Variants in TUSC3 observed in about 807,000 individuals in gnomAD.
TUSC3 encodes the protein tumor suppressor candidate 3.
Under a neutral mutation model 44.8 loss-of-function variants are expected in TUSC3, and 45 were observed. The observed-to-expected ratio is 1.00, with a 90% CI of 0.79 to 1.29. The LOEUF is 1.29. Among genes scored for constraint, TUSC3 ranks in the 50% most tolerant of loss-of-function variants. The probability of loss-of-function intolerance (pLI) is 0.00; values close to 1 mark genes in which losing one functional copy is unlikely to be tolerated. For missense variants in TUSC3, 519 were observed against 437.9 expected, an observed-to-expected ratio of 1.19 and a Z score of -1.65; for synonymous variants, 212 against 152.9, an observed-to-expected ratio of 1.39 and a Z score of -2.85.
chr8:15,577,766 C>G (rs1284183761), intron 1 of TUSC3, among the ~76,000 whole-genome samples: 3 of 142,500 alleles, frequency 2.1e-5, no homozygotes, highest in African/African-American at 5.3e-5. Flanking sequence ...CAGCTTTGTT[C>G]TTTTGGCTTA....
intron 1 of TUSC3, among the ~76,000 whole-genome samples, chr8:15,461,426 G>A (rs1800343226): frequency 6.6e-6 from 1 of 152,032 alleles, no homozygotes; most frequent in Non-Finnish European, 1.5e-5. Context: ...AGTTCTAGGG[G>A]CTTTCTGGTG....
chr8:15,494,329 T>TA (rs545075575), intron 2 of TUSC3, among the ~76,000 whole-genome samples: 39 of 150,962 alleles, frequency 2.6e-4, no homozygotes, highest in Non-Finnish European at 2.8e-4. Context: ...TCTTTTTTTT[T>TA]TTTTTTGAGA....
At chr8:15,604,557 AGATAGATTATCAGTT>A (rs1804436485) in intron 1 of TUSC3, among the ~76,000 whole-genome samples, 1 of 151,808 alleles carries the variant, frequency 6.6e-6, no homozygotes, top group Non-Finnish European at 1.5e-5. Context: ...AGTGGCACCA[AGATAGATTATCAGTT>A]GCAAAGGGGA....
Position 15,622,282 on chromosome 8 carries a change from C to CT in TUSC3, c.139-789dup, listed in dbSNP as rs202085475. Among the ~76,000 whole-genome samples the CT allele has an allele frequency of 8.7e-3, 1,314 of 151,030 alleles. 20 individuals carry two copies. The highest frequency in any genetic ancestry group is 0.03 in the African/African-American group (1,250 of 41,126). On this transcript the variant is annotated intron_variant, in intron 1 of 10. Transcript: ENST00000503731. ...AGATGAATGTTCTAAAGATAAGAGC[C>CT]TTTTTTTTTCCTTCCTTTCTTTCTT...
chr8:15,706,317 G>A (rs913399223), intron 6 of TUSC3, among the ~76,000 whole-genome samples: 4 of 151,884 alleles, frequency 2.6e-5, no homozygotes, highest in African/African-American at 9.7e-5. Context: ...AGGAAGCAAA[G>A]GAAAAGAAAG....
At chr8:15,556,094 G>A (rs1802253660) in intron 1 of TUSC3, among the ~76,000 whole-genome samples, 1 of 150,082 alleles carries the variant, frequency 6.7e-6, no homozygotes, top group African/African-American at 2.4e-5. Context: ...CCAAGCTGGT[G>A]CACTGCACCC....
At chr8:15,531,600 CTCT>C (rs1801450747) in intron 2 of TUSC3, among the ~76,000 whole-genome samples, 1 of 152,208 alleles carries the variant, frequency 6.6e-6, no homozygotes, top group African/African-American at 2.4e-5. Flanking sequence ...TTGCCTTGGT[CTCT>C]TCTTCTGCCT....
intron 6 of TUSC3, among the ~76,000 whole-genome samples, chr8:15,718,166 T>C (rs1025632524): frequency 6.6e-6 from 1 of 152,088 alleles, no homozygotes; most frequent in Non-Finnish European, 1.5e-5. Flanking sequence ...TTTTGGAAGA[T>C]TTAACTAGAA....
chr8:15,719,692 T>C (rs1357711115), intron 6 of TUSC3, among the ~76,000 whole-genome samples: 3 of 152,078 alleles, frequency 2.0e-5, no homozygotes, highest in Admixed American at 1.3e-4. Context: ...CACTGAAGGC[T>C]TATGTCACAC....
chr8:15,503,895 A>G (rs1801008101), intron 2 of TUSC3, among the ~76,000 whole-genome samples: 1 of 151,670 alleles, frequency 6.6e-6, no homozygotes, highest in Non-Finnish European at 1.5e-5. Context: ...CACACCTGTA[A>G]TCCTAGCTAC....
intron 6 of TUSC3, among the ~76,000 whole-genome samples, chr8:15,677,388 A>G (rs1327974433): frequency 6.6e-6 from 1 of 152,228 alleles, no homozygotes; most frequent in Admixed American, 6.5e-5. Flanking sequence ...GATAAGAGAA[A>G]GTAAAGACTC....
the TUSC3 span, among the ~76,000 whole-genome samples, chr8:15,775,059 A>G: frequency 6.6e-6 from 1 of 152,206 alleles, no homozygotes; most frequent in African/African-American, 2.4e-5. Context: ...AGGGAAGACA[A>G]CCCAGATGTT....
intron 1 of TUSC3, among the ~76,000 whole-genome samples, chr8:15,549,672 T>C (rs1273867469): frequency 1.3e-5 from 2 of 151,656 alleles, no homozygotes; most frequent in Admixed American, 1.3e-4. Flanking sequence ...GGGAGAATGC[T>C]GATTGGTCCA....
rs1227094893 is a variant in TUSC3 at position 15,558,319 on chromosome 8, G to A, written c.138+17751G>A. 4.6e-4 allele frequency among the ~76,000 whole-genome samples: 21 copies of A among 45,956 alleles called. 1 individual carries two copies. Among genetic ancestry groups the A allele is most frequent in the African/African-American group, 8.9e-4 (18 of 20,178 alleles). 30.1% of individuals were successfully genotyped at this position (45,956 alleles called of 152,430 possible). On this transcript the variant is annotated intron_variant, in intron 1 of 10. Transcript: ENST00000503731. ...TGCTGGATTACATTTATTGATTTGC[G>A]TATATTGAACCAGCCTTGCCGTCCC...
the TUSC3 span, among the ~76,000 whole-genome samples, chr8:15,823,453 T>C: frequency 1.1e-4 from 17 of 152,322 alleles, no homozygotes; most frequent in African/African-American, 3.8e-4. Context: ...TCAAGCAACA[T>C]TTCTTTCTCT....
At chr8:15,437,027 C>A (rs1265787973) in intron 1 of TUSC3, among the ~76,000 whole-genome samples, 1 of 152,094 alleles carries the variant, frequency 6.6e-6, no homozygotes, top group East Asian at 1.9e-4. Context: ...GAAATGGGAA[C>A]AATTTTCTCA....
chr8:15,747,623 C>G (rs1811476963), intron 8 of TUSC3, among the ~76,000 whole-genome samples: 4 of 151,990 alleles, frequency 2.6e-5, no homozygotes. Flanking sequence ...AGAGTAAAAT[C>G]TTCTCAATCA....
intron 2 of TUSC3, among the ~76,000 whole-genome samples, chr8:15,529,551 ACAGTCAT>A (rs1801424197): frequency 6.6e-6 from 1 of 152,138 alleles, no homozygotes; most frequent in Admixed American, 6.5e-5. Context: ...TTTTTAGAAA[ACAGTCAT>A]TATAGAAAAT....
chr8:15,614,367 G>A (rs184497170), intron 1 of TUSC3, among the ~76,000 whole-genome samples: 16 of 152,094 alleles, frequency 1.1e-4, no homozygotes, highest in Non-Finnish European at 2.2e-4. Flanking sequence ...TAACTTTAGT[G>A]AGTGGTACAA....
Sources: allele counts gnomAD v4.1 joint callset (sites outside exome capture counted in the v4.1 genomes callset), GRCh38; gene constraint gnomAD v4.1.1; transcripts MANE v1.5; gene names NCBI Gene and HGNC (gene_info 2026-07-23, HGNC 2026-07-21).